GSK3B: variants seen among roughly 807,000 people sequenced by gnomAD.
GSK3B encodes the protein glycogen synthase kinase-3 beta.
GSK3B carries 15 observed loss-of-function variants against 56.4 expected under a neutral mutation model. The observed-to-expected ratio is 0.27, with a 90% CI of 0.18 to 0.41. The LOEUF is 0.41. GSK3B is among the 10% of genes least tolerant of loss of function. The pLI is 1.00. For missense variants in GSK3B, 300 were observed against 513.4 expected (o/e 0.58, Z 4.02); for synonymous variants, 181 against 188.9 (o/e 0.96, Z 0.34).
chr3:120,018,012 T>C (rs546339544), intron 1 of GSK3B, among the ~76,000 whole-genome samples: 1 of 152,252 alleles, frequency 6.6e-6, no homozygotes, highest in East Asian at 1.9e-4. Context: ...GCAGTTAAAA[T>C]TCATATATTT....
intron 7 of GSK3B, among the ~76,000 whole-genome samples, chr3:119,884,075 G>A (rs1000979119): frequency 1.3e-5 from 2 of 152,124 alleles, no homozygotes; most frequent in South Asian, 2.1e-4. Flanking sequence ...AAAGAAGAGT[G>A]CTAAAGATGG....
At chr3:120,011,305 A>T (rs1176879960) in intron 1 of GSK3B, among the ~76,000 whole-genome samples, 3 of 152,152 alleles carry the variant, frequency 2.0e-5, no homozygotes, top group Non-Finnish European at 1.5e-5. Flanking sequence ...ACTTCTTTTT[A>T]AAAAAGGTAA....
Position 120,094,427 on chromosome 3 carries a change from G to T in GSK3B, c.-993C>A. 3.2e-6 allele frequency: 1 copy of T among 312,030 alleles called. No homozygotes were observed. Among genetic ancestry groups the T allele is most frequent in the Non-Finnish European group, 5.9e-6 (1 of 168,444 alleles). 19.3% of individuals were successfully genotyped at this position (312,030 alleles called of 1,614,324 possible). ...CGGCGGCACAAGCCCGCATTCGCCCGGGTCAGGAGCTGCTCTGTGTGAGGA... is the reference window on the plus strand; with the variant it reads ...CGGCGGCACAAGCCCGCATTCGCCCTGGTCAGGAGCTGCTCTGTGTGAGGA... On this transcript the variant is annotated 5_prime_UTR_variant, in exon 1 of 11. Coordinates refer to ENST00000264235, the MANE Select transcript of GSK3B (RefSeq NM_001146156.2).
chr3:119,989,168 T>C (rs960488997), intron 2 of GSK3B, among the ~76,000 whole-genome samples: 8 of 152,160 alleles, frequency 5.3e-5, no homozygotes, highest in African/African-American at 1.4e-4. Flanking sequence ...TGACAACTAA[T>C]AACTGAGGGT....
At chr3:119,841,210 A>G (rs958921604) in intron 10 of GSK3B, among the ~76,000 whole-genome samples, 8 of 152,192 alleles carry the variant, frequency 5.3e-5, no homozygotes, top group African/African-American at 1.9e-4. Context: ...ACACATGTAA[A>G]TTATTATTAT....
chr3:119,950,315 G>C (rs1286616158), intron 2 of GSK3B, among the ~76,000 whole-genome samples: 1 of 152,150 alleles, frequency 6.6e-6, no homozygotes, highest in Non-Finnish European at 1.5e-5. Context: ...GGAAGCCGGA[G>C]AAAACCTTAT....
At chr3:119,959,836 A>G (rs1331308158) in intron 2 of GSK3B, among the ~76,000 whole-genome samples, 1 of 152,048 alleles carries the variant, frequency 6.6e-6, no homozygotes, top group Non-Finnish European at 1.5e-5. Flanking sequence ...TACAGGCATG[A>G]GACACTGCGC....
Position 119,916,049 on chromosome 3 carries a change from A to T in GSK3B, c.603T>A (p.Phe201Leu). 1 of 1,611,988 alleles carries T rather than the reference A, an allele frequency of 6.2e-7. No homozygotes were observed. Among genetic ancestry groups the T allele is most frequent in the Non-Finnish European group, 8.5e-7 (1 of 1,178,558 alleles). ...GGAGAGGGACAGTAGCTTACCTTCCAAAGTCACAGAGTTTTAATACAGCAG... is the reference window on the plus strand; with the variant it reads ...GGAGAGGGACAGTAGCTTACCTTCCTAAGTCACAGAGTTTTAATACAGCAG... ...PDTAVLKLCD[F>L]GSAKQLVRGE... is the part of the protein sequence containing the mutation. The change falls in exon 5 of 11, where the codon TTT becomes TTA. Residue 201 changes from phenylalanine (F) to leucine (L), a missense_variant. Phe to Leu is a conservative substitution (Grantham distance 22, BLOSUM62 0). Around this residue, in one of 6 missense-constraint regions of GSK3B, gnomAD observed 39 missense variants for 154.6 expected, o/e 0.25. Transcript: ENST00000264235.
chr3:119,842,640 T>C (rs2055790853), intron 10 of GSK3B, among the ~76,000 whole-genome samples: 1 of 152,156 alleles, frequency 6.6e-6, no homozygotes, highest in African/African-American at 2.4e-5. Flanking sequence ...ATTTTTATTT[T>C]TTACATGGGG....
chr3:119,892,943 A>G (rs2056519547), intron 7 of GSK3B, among the ~76,000 whole-genome samples: 1 of 152,068 alleles, frequency 6.6e-6, no homozygotes, highest in African/African-American at 2.4e-5. Flanking sequence ...AATCACTATC[A>G]TTTTCACTTA....
chr3:119,888,698 G>C (rs1208326402), intron 7 of GSK3B, among the ~76,000 whole-genome samples: 2 of 152,114 alleles, frequency 1.3e-5, no homozygotes, highest in Non-Finnish European at 2.9e-5. Flanking sequence ...GGGCAAAATA[G>C]AGCCATATTT....
chr3:119,869,241 A>AAAAAC (rs2056223466), intron 8 of GSK3B, among the ~76,000 whole-genome samples: 1 of 150,710 alleles, frequency 6.6e-6, no homozygotes, highest in Non-Finnish European at 1.5e-5. Context: ...AAAAAAAAAA[A>AAAAAC]AAAAACATAT....
At chr3:120,065,115 C>G (rs1229902950) in intron 1 of GSK3B, among the ~76,000 whole-genome samples, 1 of 151,950 alleles carries the variant, frequency 6.6e-6, no homozygotes, top group Non-Finnish European at 1.5e-5. Context: ...GAGAAAAAAA[C>G]AGGAACATTC....
chr3:119,952,865 AAAGAAAATGACACCACAT>A (rs1220691527), intron 2 of GSK3B, among the ~76,000 whole-genome samples: 1 of 152,156 alleles, frequency 6.6e-6, no homozygotes, highest in Non-Finnish European at 1.5e-5. Flanking sequence ...CCTTGAGCTA[AAAGAAAATGACACCACAT>A]GTTAACTGGA....
At chr3:119,969,164 C>A (rs148106796) in intron 2 of GSK3B, among the ~76,000 whole-genome samples, 4 of 151,632 alleles carry the variant, frequency 2.6e-5, no homozygotes, top group Non-Finnish European at 5.9e-5. Context: ...TGGTGGCACA[C>A]GCCTGTAATC....
intron 1 of GSK3B, among the ~76,000 whole-genome samples, chr3:120,059,084 GACAT>G (rs932573950): frequency 2.7e-5 from 4 of 150,128 alleles, no homozygotes; most frequent in Non-Finnish European, 1.5e-5. Flanking sequence ...CCTTAAAAAA[GACAT>G]ACATACATAC....
intron 2 of GSK3B, among the ~76,000 whole-genome samples, chr3:120,001,534 T>C (rs2057677059): frequency 6.6e-6 from 1 of 152,216 alleles, no homozygotes; most frequent in South Asian, 2.1e-4. Context: ...ACACTTCCTG[T>C]ACAGTTTGCA....
chr3:119,977,527 C>A (rs1276061024), intron 2 of GSK3B, among the ~76,000 whole-genome samples: 2 of 152,208 alleles, frequency 1.3e-5, no homozygotes, highest in Non-Finnish European at 2.9e-5. Context: ...TAACACTTTT[C>A]CTATCCAACT....
chr3:119,923,272 CTGAG>C (rs375849467), intron 4 of GSK3B, 97 bp downstream of exon 4: 14 of 537,062 alleles, frequency 2.6e-5, no homozygotes, highest in African/African-American at 7.8e-5. Context: ...GTTTTTCTCC[CTGAG>C]TATTAAATAC....
Sources: gnomAD v4.1 joint callset for allele counts (sites outside exome capture counted in the v4.1 genomes callset) on GRCh38, gnomAD v4.1.1 for gene constraint, gnomAD v4.1.1 regional missense constraint, MANE v1.5 for transcripts, NCBI Gene and HGNC (gene_info 2026-07-23, HGNC 2026-07-21) for gene names.